The following EXOC4 variants were observed in gnomAD, a reference collection of about 807,000 sequenced individuals.
EXOC4 encodes SEC8-like 1.
EXOC4 carries 71 observed loss-of-function variants against 107.2 expected under a neutral mutation model. The observed-to-expected ratio is 0.66, with a 90% confidence interval of 0.55 to 0.81. The LOEUF (loss-of-function observed/expected upper bound fraction) is 0.81, where lower values mean the gene tolerates loss of function less well. Among genes scored for constraint, EXOC4 ranks in the 30% least tolerant of loss-of-function variants. The pLI is 0.00. For synonymous variants in EXOC4, 456 were observed against 441.2 expected, an observed-to-expected ratio of 1.03 and a Z score of -0.42; for missense variants, 1,108 against 1,189.6, an observed-to-expected ratio of 0.93 and a Z score of 1.01.
At chr7:133,884,722 C>T (rs1279935630) in intron 11 of EXOC4, among the ~76,000 whole-genome samples, 1 of 151,944 alleles carries the variant, frequency 6.6e-6, no homozygotes, top group Non-Finnish European at 1.5e-5. Context: ...CTGAACTGTC[C>T]TCTCAGGAGC....
intron 7 of EXOC4, among the ~76,000 whole-genome samples, chr7:133,378,338 C>T (rs1796536365): frequency 1.5e-5 from 2 of 137,866 alleles, no homozygotes; most frequent in Non-Finnish European, 3.0e-5. Context: ...GTTTTTCAGG[C>T]TGAAGGAAAA....
chr7:133,429,711 G>A (rs958259884), intron 7 of EXOC4, among the ~76,000 whole-genome samples: 1 of 152,230 alleles, frequency 6.6e-6, no homozygotes, highest in African/African-American at 2.4e-5. Flanking sequence ...ACAGTATGTG[G>A]CCTTTCTGAC....
At chr7:133,808,680 T>C (rs1304089280) in intron 10 of EXOC4, among the ~76,000 whole-genome samples, 1 of 152,168 alleles carries the variant, frequency 6.6e-6, no homozygotes, top group Non-Finnish European at 1.5e-5. Flanking sequence ...CCAATTGTCA[T>C]CTGAGTATAG....
At chr7:133,621,877 T>C (rs897036941) in intron 9 of EXOC4, among the ~76,000 whole-genome samples, 1 of 152,182 alleles carries the variant, frequency 6.6e-6, no homozygotes, top group African/African-American at 2.4e-5. Context: ...GTTTGGGTCT[T>C]GGATGATTAG....
intron 9 of EXOC4, chr7:133,480,537 C>G: frequency 1.4e-6 from 1 of 739,642 alleles, no homozygotes; most frequent in Non-Finnish European, 1.7e-6. Context: ...GAAAATGCAA[C>G]CACTGTCATT....
chr7:133,473,055 G>A (rs2150845067), intron 7 of EXOC4, among the ~76,000 whole-genome samples: 1 of 152,264 alleles, frequency 6.6e-6, no homozygotes, highest in African/African-American at 2.4e-5. Flanking sequence ...AAATATGAGT[G>A]AAACAATGCA....
At chr7:133,253,503 T>C (rs1794942014) in intron 1 of EXOC4, 18 of 1,082,288 alleles carry the variant, frequency 1.7e-5, no homozygotes, top group Non-Finnish European at 1.9e-5. Flanking sequence ...GGTGTGTTTA[T>C]TGATTCCTAA....
chr7:134,100,598 T>A, the EXOC4 span, among the ~76,000 whole-genome samples: 1 of 130,060 alleles, frequency 7.7e-6, no homozygotes, highest in South Asian at 2.4e-4. Flanking sequence ...AGGAGCCATG[T>A]ATGGGAAGGT....
intron 9 of EXOC4, among the ~76,000 whole-genome samples, chr7:133,528,084 A>T (rs1800114083): frequency 6.6e-6 from 1 of 152,196 alleles, no homozygotes; most frequent in African/African-American, 2.4e-5. Context: ...CACTTTGATA[A>T]CCACTATATT....
At chr7:133,931,176 C>A (rs925492657) in intron 13 of EXOC4, among the ~76,000 whole-genome samples, 34 of 152,134 alleles carry the variant, frequency 2.2e-4, no homozygotes, top group African/African-American at 8.2e-4. Context: ...CTTAGATAAA[C>A]TCAGGATTCA....
chr7:133,397,293 T>TTC, intron 7 of EXOC4, among the ~76,000 whole-genome samples: 1 of 149,212 alleles, frequency 6.7e-6, no homozygotes, highest in East Asian at 2.0e-4. Context: ...CCAGCCAAAT[T>TTC]TTTTTTTTTT....
intron 17 of EXOC4, among the ~76,000 whole-genome samples, chr7:134,060,521 T>C (rs1440442313): frequency 6.6e-6 from 1 of 152,196 alleles, no homozygotes; most frequent in Admixed American, 6.5e-5. Context: ...ACGGCTGCTA[T>C]TTTAATGCTC....
intron 9 of EXOC4, among the ~76,000 whole-genome samples, chr7:133,611,360 A>G (rs1802072811): frequency 6.6e-6 from 1 of 152,154 alleles, no homozygotes; most frequent in South Asian, 2.1e-4. Context: ...AGCATTTTGA[A>G]GCTAGACTTT....
rs1218431352 is a variant in EXOC4 at position 133,253,352 on chromosome 7, C to T, written c.86+165C>T. 8 of 1,404,826 alleles carry T rather than the reference C, an allele frequency of 5.7e-6. No individual in the cohort carries two copies. The African/African-American group carries it at 7.3e-5, about 13-fold the overall frequency. 87.0% of individuals were successfully genotyped at this position (1,404,826 alleles called of 1,614,324 possible). A position where few individuals can be genotyped will look rare whatever the true frequency, so the allele number is the denominator to read the frequency against. Reference sequence around the variant, plus strand: ...CCCCTCCCCAGGGCCCCAGCAATTCCCCCTCCACCTTTTTTTTCTGGGGTT... The same window carrying T: ...CCCCTCCCCAGGGCCCCAGCAATTCTCCCTCCACCTTTTTTTTCTGGGGTT... On this transcript the variant is annotated intron_variant, in intron 1 of 17. Coordinates refer to ENST00000253861, the MANE Select transcript of EXOC4 (RefSeq NM_021807.4).
At chr7:133,801,604 A>C (rs1323175485) in intron 10 of EXOC4, among the ~76,000 whole-genome samples, 1 of 152,208 alleles carries the variant, frequency 6.6e-6, no homozygotes, top group African/African-American at 2.4e-5. Context: ...ATTTAATCTC[A>C]TTAGCAGGGT....
At chr7:133,723,217 G>T (rs1483727254) in intron 10 of EXOC4, among the ~76,000 whole-genome samples, 2 of 152,216 alleles carry the variant, frequency 1.3e-5, no homozygotes, top group Non-Finnish European at 2.9e-5. Flanking sequence ...AAAGAGGGGA[G>T]AAGAGGTCAG....
At chr7:133,808,281 A>G (rs954611558) in intron 10 of EXOC4, among the ~76,000 whole-genome samples, 1 of 152,214 alleles carries the variant, frequency 6.6e-6, no homozygotes, top group East Asian at 1.9e-4. Context: ...GCTTACTCCC[A>G]TGAATTAAGA....
chr7:133,865,309 T>C lies in EXOC4; in HGVS notation c.1735-30290T>C, dbSNP rs1311625859. 5.9e-5 allele frequency among the ~76,000 whole-genome samples: 9 copies of C among 152,302 alleles called. No individual in the cohort carries two copies. In the South Asian group the frequency reaches 1.9e-3, roughly 32 times the overall value. ...CAGATGAATACATAAATATAGTTTG[T>C]TTATAATGAAAACCTCCAGGGTCCT... On this transcript the variant is annotated intron_variant, in intron 11 of 17. Coordinates refer to ENST00000253861, the MANE Select transcript of EXOC4 (RefSeq NM_021807.4).
At chr7:134,093,577 A>T in the EXOC4 span, among the ~76,000 whole-genome samples, 4 of 152,176 alleles carry the variant, frequency 2.6e-5, no homozygotes, top group Non-Finnish European at 4.4e-5. Context: ...AATTGGACCT[A>T]TTAGATATAT....
Sources: gnomAD v4.1 joint callset for allele counts (sites outside exome capture counted in the v4.1 genomes callset) on GRCh38, gnomAD v4.1.1 for gene constraint, MANE v1.5 for transcripts, NCBI Gene and HGNC (gene_info 2026-07-23, HGNC 2026-07-21) for gene names.